The following LPAR3 variants were observed in gnomAD, a reference collection of about 807,000 sequenced individuals.
LPAR3 encodes LPA receptor 3.
In LPAR3, 7 loss-of-function variants were observed where a neutral mutation model predicts 17.8. The observed-to-expected ratio is 0.39, with a 90% confidence interval of 0.22 to 0.74. The LOEUF is 0.74. Among genes scored for constraint, LPAR3 ranks in the 30% least tolerant of loss-of-function variants. The pLI is 0.40. For missense variants in LPAR3, 391 were observed against 453.4 expected (o/e 0.86, Z 1.25); for synonymous variants, 179 against 179.9 (o/e 0.99, Z 0.04).
chr1:84,831,153 C>T (rs931781607), intron 2 of LPAR3, among the ~76,000 whole-genome samples: 1 of 152,240 alleles, frequency 6.6e-6, no homozygotes, highest in Admixed American at 6.5e-5. Flanking sequence ...CCAAAAGTCT[C>T]CTCTCAAACA....
At chr1:84,861,667 T>C (rs1434976783) in intron 2 of LPAR3, among the ~76,000 whole-genome samples, 10 of 152,204 alleles carry the variant, frequency 6.6e-5, no homozygotes, top group Non-Finnish European at 1.5e-5. Flanking sequence ...TCTTCAGCCT[T>C]ACACCACCTA....
In LPAR3 at chr1:84,865,554, A is replaced by C. The variant is rs1660026730; in HGVS notation, c.567T>G (p.Val189=). The stretch of plus-strand genomic sequence containing the variant: ...CCATGAGGTTGGACACTGTCCAGAA[A>C]ACAAGGTAACTCCTGCTGTAAATGG... ...LAPIYSRSYL[V]FWTVSNLMAF... Residue 189 remains valine, a synonymous_variant, in exon 2 of 3, where the codon GTT becomes GTG. Transcript: ENST00000370611. The C allele has an allele frequency of 1.9e-6, 3 of 1,614,094 alleles. No homozygotes were observed. In the African/African-American group the frequency reaches 4.0e-5, roughly 22 times the overall value.
chr1:84,868,571 G>T (rs1258953733), intron 1 of LPAR3, among the ~76,000 whole-genome samples: 1 of 152,118 alleles, frequency 6.6e-6, no homozygotes, highest in Non-Finnish European at 1.5e-5. Context: ...CACTTGCTAT[G>T]GTCTGAATGT....
chr1:84,879,309 C>CTTTTTTT (rs1199196149), intron 1 of LPAR3, among the ~76,000 whole-genome samples: 6 of 73,518 alleles, frequency 8.2e-5, no homozygotes, highest in South Asian at 3.8e-4. Context: ...CTTTTCTTTT[C>CTTTTTTT]TTTTTTCTTT....
At position 84,813,464 on chromosome 1, in the gene LPAR3, T is replaced by A. The variant is rs1195734777; in HGVS notation, c.*382A>T. 2 of 180,098 alleles carry A rather than the reference T, an allele frequency of 1.1e-5. No homozygotes were observed. Among genetic ancestry groups the A allele is most frequent in the Non-Finnish European group, 2.4e-5 (2 of 83,150 alleles). 11.2% of individuals were successfully genotyped at this position (180,098 alleles called of 1,614,324 possible). ...GAACTACATAGACTCTCCAAGCAGCTATATAAGGTGGCTCAAGTAACATTA... is the reference window on the plus strand; with the variant it reads ...GAACTACATAGACTCTCCAAGCAGCAATATAAGGTGGCTCAAGTAACATTA... On this transcript the variant is annotated 3_prime_UTR_variant, in exon 3 of 3. Transcript: ENST00000370611.
In LPAR3 at chr1:84,865,941, T is replaced by A; in HGVS notation, c.180A>T (p.Lys60Asn). ...LVIAAVIKNR[K>N]FHFPFYYLLA... ...ACAGGTAGTAGAAGGGGAAATGAAA[T>A]TTTCTGTTTTTGATCACTGCCGCGA... The change falls in exon 2 of 3, where the codon AAA (lysine) becomes AAT (asparagine). Residue 60 changes from lysine to asparagine, a missense_variant. Physicochemically the swap from Lys to Asn is moderately conservative, Grantham distance 94. Transcript: ENST00000370611. 1 of 1,614,006 alleles carries A rather than the reference T, an allele frequency of 6.2e-7. No individual in the cohort carries two copies. Among genetic ancestry groups the A allele is most frequent in the African/African-American group, 1.3e-5 (1 of 74,976 alleles).
intron 1 of LPAR3, among the ~76,000 whole-genome samples, chr1:84,891,274 A>C (rs1332541567): frequency 1.3e-5 from 2 of 152,132 alleles, no homozygotes; most frequent in Non-Finnish European, 1.5e-5. Context: ...CAAAGAAAAA[A>C]TTTTTGCCAA....
chr1:84,887,513 C>T (rs147493248), intron 1 of LPAR3, among the ~76,000 whole-genome samples: 8 of 152,082 alleles, frequency 5.3e-5, no homozygotes, highest in Non-Finnish European at 8.8e-5. Flanking sequence ...TAGAATAGTT[C>T]CCCACAAACA....
chr1:84,868,231 T>G (rs931631962), intron 1 of LPAR3, among the ~76,000 whole-genome samples: 1 of 152,178 alleles, frequency 6.6e-6, no homozygotes, highest in Non-Finnish European at 1.5e-5. Context: ...TGTCTCAGCC[T>G]CCTGAGTAGC....
chr1:84,872,536 G>A (rs1262570349), intron 1 of LPAR3, among the ~76,000 whole-genome samples: 1 of 151,858 alleles, frequency 6.6e-6, no homozygotes, highest in Non-Finnish European at 1.5e-5. Context: ...AACAATCCAG[G>A]CAACAAAATA....
At chr1:84,834,642 C>T (rs1659361739) in intron 2 of LPAR3, among the ~76,000 whole-genome samples, 1 of 152,152 alleles carries the variant, frequency 6.6e-6, no homozygotes, top group Admixed American at 6.5e-5. Flanking sequence ...AACACATACC[C>T]ATGTAATTGA....
At chr1:84,843,542 T>C (rs1183518062) in intron 2 of LPAR3, among the ~76,000 whole-genome samples, 2 of 152,358 alleles carry the variant, frequency 1.3e-5, no homozygotes, top group Middle Eastern at 3.4e-3. Context: ...TGCACTGGTA[T>C]AAGTTTCAAC....
rs1658878311 is a variant in LPAR3, at chr1:84,814,054, T to C, written c.854A>G (p.Asn285Ser). Reference protein sequence around the residue: ...KRWFLLLALLNSVVNPIIYSY... With the variant: ...KRWFLLLALLSSVVNPIIYSY... The stretch of plus-strand genomic sequence containing the variant: ...GTAGATGATGGGGTTCACGACGGAG[T>C]TGAGCAGCGCCAGCAGCAGGAACCA... Residue 285 changes from asparagine to serine, a missense_variant, in exon 3 of 3, where the codon AAC becomes AGC. Transcript: ENST00000370611. 5 of 1,613,930 alleles carry C rather than the reference T, an allele frequency of 3.1e-6. No homozygotes were observed. The highest frequency in any genetic ancestry group is 4.2e-6 in the Non-Finnish European group (5 of 1,179,984).
chr1:84,850,501 C>T (rs370791283), intron 2 of LPAR3, among the ~76,000 whole-genome samples: 4 of 151,756 alleles, frequency 2.6e-5, no homozygotes, highest in Admixed American at 1.3e-4. Flanking sequence ...GTGGGAGGAT[C>T]GCTTGAACCT....
rs1557595368 is a variant in LPAR3, at chr1:84,839,680, C to CATAAA, written c.737-25510_737-25509insTTTAT. Among the ~76,000 whole-genome samples, 11 of 98,902 alleles carry CATAAA rather than the reference C, an allele frequency of 1.1e-4. No homozygotes were observed. In the East Asian group the frequency reaches 2.0e-3, roughly 18 times the overall value. The allele number at this position is 98,902 out of a possible 152,430, so 64.9% of individuals were successfully genotyped here. On this transcript the variant is annotated intron_variant, in intron 2 of 2. Transcript: ENST00000370611. ...GACCCTGTCTCTAAATAAATAAATA[C>CATAAA]GTAAAATAAAATAAAATAAAATAAA...
At chr1:84,872,701 G>A (rs72718743) in intron 1 of LPAR3, among the ~76,000 whole-genome samples, 2 of 152,128 alleles carry the variant, frequency 1.3e-5, no homozygotes, top group African/African-American at 4.8e-5. Context: ...TGTAAAGGAG[G>A]GGGAGCATAG....
rs1244816825 is a variant in LPAR3 at position 84,811,836 on chromosome 1, CTATAA to C, written c.*2005_*2009del. 7 of 152,148 alleles carry C rather than the reference CTATAA, an allele frequency of 4.6e-5. No homozygotes were observed. The highest frequency in any genetic ancestry group is 1.7e-4 in the African/African-American group (7 of 41,516). The allele number at this position is 152,148 out of a possible 1,614,324, so 9.4% of individuals were successfully genotyped here. A position where few individuals can be genotyped will look rare whatever the true frequency, so the allele number is the denominator to read the frequency against. On this transcript the variant is annotated 3_prime_UTR_variant, in exon 3 of 3. Transcript: ENST00000370611. ...ACTTCTTTTGCAAACTACATAAATACTATAATATCTACCTTGAAGTTATTCTCATT... is the reference window on the plus strand; with the variant it reads ...ACTTCTTTTGCAAACTACATAAATACTATCTACCTTGAAGTTATTCTCATT...
At chr1:84,835,688 T>C (rs1323618159) in intron 2 of LPAR3, among the ~76,000 whole-genome samples, 2 of 152,180 alleles carry the variant, frequency 1.3e-5, no homozygotes, top group East Asian at 3.9e-4. Context: ...GCTCAAAAAA[T>C]ATAGACCAAG....
intron 2 of LPAR3, among the ~76,000 whole-genome samples, chr1:84,849,667 C>T (rs1331144022): frequency 6.6e-6 from 1 of 152,080 alleles, no homozygotes; most frequent in Non-Finnish European, 1.5e-5. Flanking sequence ...AAGGTCTCTG[C>T]CACGTAGCAC....
Sources: gnomAD v4.1 joint callset for allele counts (sites outside exome capture counted in the v4.1 genomes callset) on GRCh38, gnomAD v4.1.1 for gene constraint, MANE v1.5 for transcripts, NCBI Gene and HGNC (gene_info 2026-07-23, HGNC 2026-07-21) for gene names.